The following CNTN5 variants were observed in gnomAD, a reference collection of about 807,000 sequenced individuals.
CNTN5 encodes the protein contactin-5.
In CNTN5, 77 loss-of-function variants were observed where a neutral mutation model predicts 129.1. That is an observed-to-expected ratio of 0.60 (90% CI 0.50 to 0.72). CNTN5 has a LOEUF of 0.72. Among genes scored for constraint, CNTN5 ranks in the 30% least tolerant of loss-of-function variants. CNTN5 has a pLI of 0.00. For synonymous variants in CNTN5, 509 were observed against 465.6 expected (o/e 1.09, Z -1.20); for missense variants, 1,478 against 1,328.8 (o/e 1.11, Z -1.75).
intron 1 of CNTN5, among the ~76,000 whole-genome samples, chr11:99,076,695 T>A (rs1865591324): frequency 6.6e-6 from 1 of 152,148 alleles, no homozygotes; most frequent in Non-Finnish European, 1.5e-5. Context: ...TAGTATGACA[T>A]GATTTGTTAA....
intron 8 of CNTN5, among the ~76,000 whole-genome samples, chr11:99,982,036 C>A (rs568288620): frequency 3.5e-4 from 54 of 152,254 alleles, no homozygotes; most frequent in African/African-American, 1.3e-3. Flanking sequence ...TACAGCTAAA[C>A]ATAATTACTG....
chr11:100,151,672 A>G (rs544675748), intron 13 of CNTN5, among the ~76,000 whole-genome samples: 3 of 152,262 alleles, frequency 2.0e-5, no homozygotes, highest in Admixed American at 6.5e-5. Flanking sequence ...TTCCCGCTCT[A>G]CCTATTTCCC....
chr11:99,836,570 C>T (rs1947314216), intron 4 of CNTN5, among the ~76,000 whole-genome samples: 1 of 152,058 alleles, frequency 6.6e-6, no homozygotes, highest in African/African-American at 2.4e-5. Context: ...GGTTCCAAGT[C>T]TTTGCTATTG....
chr11:100,216,081 G>C (rs141349394), intron 15 of CNTN5, among the ~76,000 whole-genome samples: 1 of 152,236 alleles, frequency 6.6e-6, no homozygotes, highest in African/African-American at 2.4e-5. Context: ...ATGAAGCACA[G>C]AGTGGTCTAC....
At chr11:99,543,455 GA>G (rs1948179008) in intron 2 of CNTN5, among the ~76,000 whole-genome samples, 1 of 152,104 alleles carries the variant, frequency 6.6e-6, no homozygotes, top group Non-Finnish European at 1.5e-5. Flanking sequence ...TTGCACTTCT[GA>G]TATCAAATTC....
intron 2 of CNTN5, among the ~76,000 whole-genome samples, chr11:99,480,612 T>C (rs1277988335): frequency 6.6e-6 from 1 of 152,238 alleles, no homozygotes; most frequent in Non-Finnish European, 1.5e-5. Flanking sequence ...ATGTTTATTC[T>C]ACAATCTTTG....
chr11:99,082,207 G>C (rs536551574), intron 1 of CNTN5, among the ~76,000 whole-genome samples: 1 of 124,352 alleles, frequency 8.0e-6, no homozygotes, highest in East Asian at 2.7e-4. Context: ...TTTTTTTTGA[G>C]ACTGAGTCTT....
intron 3 of CNTN5, among the ~76,000 whole-genome samples, chr11:99,597,454 C>T (rs183009765): frequency 1.0e-3 from 153 of 152,074 alleles, no homozygotes; most frequent in African/African-American, 3.3e-3. Context: ...ATTTCAAGCC[C>T]GTCCAAAGAG....
intron 1 of CNTN5, among the ~76,000 whole-genome samples, chr11:99,242,174 G>A (rs960864696): frequency 6.6e-6 from 1 of 151,996 alleles, no homozygotes; most frequent in Non-Finnish European, 1.5e-5. Context: ...GTTATTGGTA[G>A]CAAAAAAATA....
intron 3 of CNTN5, among the ~76,000 whole-genome samples, chr11:99,765,936 A>G (rs1817958269): frequency 6.6e-6 from 1 of 152,004 alleles, no homozygotes; most frequent in South Asian, 2.1e-4. Flanking sequence ...TTGTTAAAGC[A>G]CATTTATATC....
chr11:99,183,171 T>A (rs956522163), intron 1 of CNTN5, among the ~76,000 whole-genome samples: 1 of 152,168 alleles, frequency 6.6e-6, no homozygotes, highest in Admixed American at 6.5e-5. Context: ...AACCTTTCAC[T>A]AAAGATGTCC....
chr11:99,441,684 TC>T (rs1267304804), intron 2 of CNTN5, among the ~76,000 whole-genome samples: 2 of 152,198 alleles, frequency 1.3e-5, no homozygotes, highest in Admixed American at 1.3e-4. Flanking sequence ...GATTGTTTTC[TC>T]AAAAATTAAA....
chr11:99,192,086 A>G (rs1269933280), intron 1 of CNTN5, among the ~76,000 whole-genome samples: 1 of 151,894 alleles, frequency 6.6e-6, no homozygotes, highest in Admixed American at 6.6e-5. Flanking sequence ...TCATCTCAAT[A>G]GATGAAGAAA....
intron 1 of CNTN5, among the ~76,000 whole-genome samples, chr11:99,080,982 T>TTTTG (rs1270636381): frequency 5.6e-5 from 8 of 142,382 alleles, no homozygotes; most frequent in Non-Finnish European, 1.2e-4. Context: ...AGAAATCAGT[T>TTTTG]TTTTTTTTTT....
chr11:99,832,008 C>T (rs959557628), intron 4 of CNTN5, among the ~76,000 whole-genome samples: 2 of 152,066 alleles, frequency 1.3e-5, no homozygotes, highest in African/African-American at 4.8e-5. Context: ...CTTCAAGTTC[C>T]TTGTCTCCTT....
At chr11:99,963,434 T>G (rs1449583871) in intron 8 of CNTN5, among the ~76,000 whole-genome samples, 1 of 152,048 alleles carries the variant, frequency 6.6e-6, no homozygotes, top group African/African-American at 2.4e-5. Context: ...CCCATTTCTT[T>G]TTTTGTCAGG....
Position 100,036,054 on chromosome 11 carries a change from A to C in CNTN5, c.981-25158A>C, listed in dbSNP as rs539722803. ...TGAAGTCCTTGCCCATGCCTATGTC[A>C]TGAATGGTATTGCCTAGGTTTTCTT... On this transcript the variant is annotated intron_variant, in intron 9 of 24. Coordinates refer to ENST00000524871, the MANE Select transcript of CNTN5 (RefSeq NM_014361.4). Among the ~76,000 whole-genome samples, 296 of 152,176 alleles carry C rather than the reference A, an allele frequency of 1.9e-3. 4 individuals are homozygous for C. The highest frequency in any genetic ancestry group is 7.9e-4 in the Admixed American group (12 of 15,276).
chr11:100,349,670 T>C (rs938580775), intron 23 of CNTN5, among the ~76,000 whole-genome samples: 4 of 151,896 alleles, frequency 2.6e-5, no homozygotes, highest in African/African-American at 9.7e-5. Flanking sequence ...AAGCCATTTT[T>C]CTTTCCATTG....
intron 2 of CNTN5, among the ~76,000 whole-genome samples, chr11:99,385,572 GAC>G (rs1408567214): frequency 1.3e-5 from 2 of 152,206 alleles, no homozygotes; most frequent in African/African-American, 4.8e-5. Flanking sequence ...AATAAAGTAT[GAC>G]ATAGTAGAGA....
Sources: allele counts gnomAD v4.1 joint callset (sites outside exome capture counted in the v4.1 genomes callset), GRCh38; gene constraint gnomAD v4.1.1; transcripts MANE v1.5; gene names NCBI Gene and HGNC (gene_info 2026-07-23, HGNC 2026-07-21).